The following SYNPO variants were observed in gnomAD, a reference collection of about 807,000 sequenced individuals.
The protein encoded by SYNPO is synaptopodin.
SYNPO carries 19 observed loss-of-function variants against 49.5 expected under a neutral mutation model. The observed-to-expected ratio is 0.38, with a 90% CI of 0.27 to 0.56. SYNPO has a LOEUF of 0.56. SYNPO is among the 20% of genes least tolerant of loss of function. The pLI is 0.68. For synonymous variants in SYNPO, 536 were observed against 548.0 expected (o/e 0.98, Z 0.31); for missense variants, 1,131 against 1,248.3 (o/e 0.91, Z 1.42).
chr5:150,626,258 C>G (rs1238364364), intron 2 of SYNPO, among the ~76,000 whole-genome samples: 1 of 152,204 alleles, frequency 6.6e-6, no homozygotes, highest in Non-Finnish European at 1.5e-5. Context: ...GATGAGATCC[C>G]TCAGGGGAGT....
chr5:150,637,695 T>G (rs1011632245), upstream of SYNPO, among the ~76,000 whole-genome samples: 2 of 152,244 alleles, frequency 1.3e-5, no homozygotes, highest in Non-Finnish European at 2.9e-5. Flanking sequence ...GTGCGGTGAC[T>G]TTGTCATTAT....
At chr5:150,631,534 C>G (rs1003527889) in intron 2 of SYNPO, among the ~76,000 whole-genome samples, 2 of 152,150 alleles carry the variant, frequency 1.3e-5, no homozygotes, top group Non-Finnish European at 2.9e-5. Flanking sequence ...AGCACCACGA[C>G]GGGAGCTGCA....
At chr5:150,644,431 G>A (rs1036675091) in intron 1 of SYNPO, among the ~76,000 whole-genome samples, 2 of 152,188 alleles carry the variant, frequency 1.3e-5, no homozygotes, top group African/African-American at 4.8e-5. Context: ...GGAATCTCCT[G>A]CTATTTGACC....
upstream of SYNPO, among the ~76,000 whole-genome samples, chr5:150,637,863 G>A (rs1757771010): frequency 6.6e-6 from 1 of 152,196 alleles, no homozygotes; most frequent in African/African-American, 2.4e-5. Context: ...GAGAGGTGGA[G>A]GCGGAGGGTC....
At chr5:150,641,567 C>A (rs146490093) in intron 1 of SYNPO, among the ~76,000 whole-genome samples, 1 of 152,202 alleles carries the variant, frequency 6.6e-6, no homozygotes, top group Admixed American at 6.5e-5. Context: ...CCTGTGGATC[C>A]TCCATCCACA....
At chr5:150,605,765 C>T (rs560074766) in intron 1 of SYNPO, among the ~76,000 whole-genome samples, 2,090 of 151,530 alleles carry the variant, frequency 0.014, 40 homozygotes, top group African/African-American at 0.048. Flanking sequence ...CACATACACA[C>T]ACACACACAC....
At chr5:150,645,427 G>T (rs962182709) in intron 1 of SYNPO, among the ~76,000 whole-genome samples, 7 of 152,234 alleles carry the variant, frequency 4.6e-5, no homozygotes, top group Non-Finnish European at 7.3e-5. Context: ...GTCTGTCAAT[G>T]CATTTGTTCA....
At position 150,649,205 on chromosome 5, in the gene SYNPO, C is replaced by T; in HGVS notation, c.930C>T (p.Arg310=). 1 of 1,614,162 alleles carries T rather than the reference C, an allele frequency of 6.2e-7. No homozygotes were observed. The highest frequency in any genetic ancestry group is 1.1e-5 in the South Asian group (1 of 91,076). Residue 310 remains arginine, a synonymous_variant, in exon 2 of 3, where the codon CGC becomes CGT. Coordinates refer to ENST00000307662, the MANE Select transcript of SYNPO (RefSeq NM_007286.6). ...AGCGAAGCCCGGCCTCAGAGAGACG[C>T]CCCTTGGGGAACTTCACTGCACCCC... ...MGQRSPASER[R]PLGNFTAPPT...
At chr5:150,595,586 A>G in the SYNPO span, among the ~76,000 whole-genome samples, 637 of 152,336 alleles carry the variant, frequency 4.2e-3, 6 homozygotes, top group African/African-American at 0.014. Context: ...GACAAGAGGT[A>G]TGTAAGGCCC....
At chr5:150,628,657 C>G (rs1476275197) in intron 2 of SYNPO, among the ~76,000 whole-genome samples, 2 of 152,176 alleles carry the variant, frequency 1.3e-5, no homozygotes, top group Non-Finnish European at 2.9e-5. Context: ...GCCTGTAATC[C>G]CAGCACTTTG....
At chr5:150,624,806 G>T (rs948741858) in intron 2 of SYNPO, 3 of 963,700 alleles carry the variant, frequency 3.1e-6, no homozygotes, top group Non-Finnish European at 3.7e-6. Context: ...GGCGCGGGGC[G>T]GGGGTGGCGG....
chr5:150,591,176 G>T, the SYNPO span, among the ~76,000 whole-genome samples: 1 of 152,214 alleles, frequency 6.6e-6, no homozygotes, highest in South Asian at 2.1e-4. Context: ...GAGTGGAAGT[G>T]GGGGTGGGTC....
chr5:150,654,864 G>A (rs1561661585), intron 2 of SYNPO, among the ~76,000 whole-genome samples: 1 of 152,206 alleles, frequency 6.6e-6, no homozygotes, highest in South Asian at 2.1e-4. Flanking sequence ...GGTGGCTCAC[G>A]CCTGTAATCC....
At chr5:150,615,607 G>T (rs116335521) in intron 1 of SYNPO, among the ~76,000 whole-genome samples, 1 of 152,358 alleles carries the variant, frequency 6.6e-6, no homozygotes, top group South Asian at 2.1e-4. Flanking sequence ...TACAGAGTGC[G>T]AAAAGCACCT....
intron 1 of SYNPO, among the ~76,000 whole-genome samples, chr5:150,645,836 A>G (rs912913675): frequency 6.6e-6 from 1 of 150,712 alleles, no homozygotes; most frequent in Non-Finnish European, 1.5e-5. Flanking sequence ...TGCAGATAAA[A>G]TAAAAGAATG....
the SYNPO span, among the ~76,000 whole-genome samples, chr5:150,594,636 C>T: frequency 1.2e-4 from 18 of 152,324 alleles, no homozygotes; most frequent in East Asian, 1.9e-3. Context: ...CTCTCCCGGG[C>T]CTCACATTTG....
rs560984597 is a variant in SYNPO, at chr5:150,658,193, T to C, written c.*1106T>C. 6.6e-6 allele frequency: 1 copy of C among 152,384 alleles called. No homozygotes were observed. The highest frequency in any genetic ancestry group is 2.1e-4 in the South Asian group (1 of 4,816). The allele number at this position is 152,384 out of a possible 1,614,324, so 9.4% of individuals were successfully genotyped here. ...TCCAGTCTTGAAATGCATTCCATGA[T>C]ATTAGGAAGTCGGGGGTGGGTGGTG... On this transcript the variant is annotated 3_prime_UTR_variant, in exon 3 of 3. Coordinates refer to ENST00000307662, the MANE Select transcript of SYNPO (RefSeq NM_007286.6).
chr5:150,646,964 C>T (rs559953548), intron 1 of SYNPO, among the ~76,000 whole-genome samples: 44 of 152,116 alleles, frequency 2.9e-4, no homozygotes, highest in African/African-American at 1.0e-3. Context: ...GTCAGGTGGC[C>T]GGGCACGGTG....
At chr5:150,597,434 C>T (rs1428877981), upstream of SYNPO, among the ~76,000 whole-genome samples, 2 of 152,154 alleles carry the variant, frequency 1.3e-5, no homozygotes, top group Non-Finnish European at 2.9e-5. Flanking sequence ...CAGGTTCAAG[C>T]GATTCTCCTG....
Sources: gnomAD v4.1 joint callset for allele counts (sites outside exome capture counted in the v4.1 genomes callset) on GRCh38, gnomAD v4.1.1 for gene constraint, MANE v1.5 for transcripts, NCBI Gene and HGNC (gene_info 2026-07-23, HGNC 2026-07-21) for gene names.